Variants in TPRN observed in about 807,000 individuals in gnomAD.
The protein encoded by TPRN is chromosome 9 open reading frame 75.
In TPRN, 32 loss-of-function variants were observed where a neutral mutation model predicts 42.6. That is an observed-to-expected ratio of 0.75 (90% CI 0.57 to 1.01). The LOEUF is 1.01. Ranked by LOEUF, TPRN falls within the 50% of genes least tolerant of loss-of-function variation. TPRN has a pLI of 0.00. For synonymous variants in TPRN, 541 were observed against 445.6 expected, an observed-to-expected ratio of 1.21 and a Z score of -2.70; for missense variants, 1,095 against 957.5, an observed-to-expected ratio of 1.14 and a Z score of -1.90.
Position 137,192,243 on chromosome 9 carries a change from C to G in TPRN, c.2073+16G>C. 6.2e-7 allele frequency: 1 copy of G among 1,613,184 alleles called. No individual in the cohort carries two copies. The highest frequency in any genetic ancestry group is 1.7e-5 in the Admixed American group (1 of 60,030). On this transcript the variant is annotated intron_variant, in intron 3 of 3. Transcript: ENST00000409012. ...GTGTCAGACTCCCCCCAGCGCTCCA[C>G]TCCCCCGCATCTCACCATGGCCTCC...
rs1221725943 is a variant in TPRN, at chr9:137,192,579, TCC to T, written c.1836_1837del (p.Glu613GlyfsTer41). The T allele has an allele frequency of 1.9e-6, 3 of 1,611,012 alleles. No individual in the cohort carries two copies. In the African/African-American group the frequency reaches 4.0e-5, roughly 22 times the overall value. On this transcript the variant is annotated frameshift_variant, in exon 2 of 4. Transcript: ENST00000409012. LOFTEE classifies it high-confidence loss of function. The stretch of plus-strand genomic sequence containing the variant: ...CTCTTCCTCCTCTTCCTCTTCCTCC[TCC>T]TCCTCCTCCTCCTCCTCCTGCTGGT...
chr9:137,197,272 T>A (rs1834720419), intron 1 of TPRN, among the ~76,000 whole-genome samples: 1 of 152,182 alleles, frequency 6.6e-6, no homozygotes, highest in African/African-American at 2.4e-5. Flanking sequence ...CTAATTTTTT[T>A]ATATCTTCTT....
In TPRN at chr9:137,199,862, G is replaced by A; in HGVS notation, c.850C>T (p.Arg284Cys). The A allele has an allele frequency of 1.3e-6, 2 of 1,554,526 alleles. No individual in the cohort carries two copies. The highest frequency in any genetic ancestry group is 1.7e-6 in the Non-Finnish European group (2 of 1,149,054). The change falls in exon 1 of 4, where the codon CGC becomes TGC. Residue 284 changes from arginine to cysteine, a missense_variant. Coordinates refer to ENST00000409012, the MANE Select transcript of TPRN (RefSeq NM_001128228.3). ...SPPASATPSQRQCVSAATSTN... is the reference protein window; with the variant it reads ...SPPASATPSQCQCVSAATSTN... The stretch of plus-strand genomic sequence containing the variant: ...CTGGTGGCTGCGGAGACGCACTGGC[G>A]CTGGCTAGGAGTGGCACTGGCAGGG...
chr9:137,200,701 A>C lies in TPRN; in HGVS notation c.11T>G (p.Leu4Arg). Reference sequence around the variant, plus strand: ...GCGCGGCCCCGAGCCCGGCCGCCCCAGGGCGGCCATGCTGCGAACGCGGCA... The same window carrying C: ...GCGCGGCCCCGAGCCCGGCCGCCCCCGGGCGGCCATGCTGCGAACGCGGCA... MAA[L>R]GRPGSGPRAA... is the part of the protein sequence containing the mutation. Residue 4 changes from leucine (L) to arginine (R), a missense_variant, in exon 1 of 4, where the codon CTG becomes CGG. Coordinates refer to ENST00000409012, the MANE Select transcript of TPRN (RefSeq NM_001128228.3). The surrounding 1 kb of genome is among the most constrained non-coding windows in gnomAD (Gnocchi z 4.3). The C allele has an allele frequency of 1.7e-6, 2 of 1,186,320 alleles. No homozygotes were observed. Among genetic ancestry groups the C allele is most frequent in the Admixed American group, 3.9e-5 (1 of 25,622 alleles). The allele number at this position is 1,186,320 out of a possible 1,614,324, so 73.5% of individuals were successfully genotyped here.
At chr9:137,193,360 G>A (rs1042200754) in intron 1 of TPRN, 3 of 152,726 alleles carry the variant, frequency 2.0e-5, no homozygotes, top group Admixed American at 1.3e-4. Context: ...CCTCCACTGA[G>A]CCTGGGTGCC....
At chr9:137,195,741 G>A (rs1055912862) in intron 1 of TPRN, among the ~76,000 whole-genome samples, 6 of 152,178 alleles carry the variant, frequency 3.9e-5, no homozygotes, top group East Asian at 1.9e-4. Flanking sequence ...CAGAGGGGAC[G>A]GGAAGGGGCC....
intron 1 of TPRN, among the ~76,000 whole-genome samples, chr9:137,196,930 C>T (rs1475513733): frequency 6.6e-6 from 1 of 152,218 alleles, no homozygotes; most frequent in Non-Finnish European, 1.5e-5. Context: ...CATCTGGACC[C>T]CCACCCCTTC....
rs1226401372 is a variant in TPRN at position 137,192,456 on chromosome 9, C to A, written c.1961G>T (p.Ser654Ile). Residue 654 changes from serine (S) to isoleucine (I), a missense_variant, in exon 2 of 4, where the codon AGC becomes ATC. Coordinates refer to ENST00000409012, the MANE Select transcript of TPRN (RefSeq NM_001128228.3). ...TCCCCCAGGTGGGCACTCACCTGAGCTACCCTCTGGCAGCCGAGAGCTCTC... is the reference window on the plus strand; with the variant it reads ...TCCCCCAGGTGGGCACTCACCTGAGATACCCTCTGGCAGCCGAGAGCTCTC... ...RPESSRLPEG[S>I]SGLSSYTPKH... 1 of 1,607,118 alleles carries A rather than the reference C, an allele frequency of 6.2e-7. No homozygotes were observed. Among genetic ancestry groups the A allele is most frequent in the Admixed American group, 1.7e-5 (1 of 59,194 alleles).
At chr9:137,196,778 C>A (rs747487665) in intron 1 of TPRN, among the ~76,000 whole-genome samples, 1 of 152,214 alleles carries the variant, frequency 6.6e-6, no homozygotes, top group Non-Finnish European at 1.5e-5. Context: ...GGCAGCCCCA[C>A]GCCTCTGTCC....
Position 137,200,095 on chromosome 9 carries a change from G to A in TPRN, c.617C>T (p.Thr206Ile), listed in dbSNP as rs576809784. 251 of 1,330,114 alleles carry A rather than the reference G, an allele frequency of 1.9e-4. 1 individual carries two copies. In the African/African-American group the frequency reaches 3.5e-3, roughly 18 times the overall value. 82.4% of individuals were successfully genotyped at this position (1,330,114 alleles called of 1,614,324 possible). ...FLQKTGSNSF[T>I]VHPRGLHRGA... ...GCGGTGCAGACCCCGGGGGTGGACG[G>A]TGAAGGAGTTGCTGCCGGTCTTCTG... The change falls in exon 1 of 4, where the codon ACC (threonine) becomes ATC (isoleucine). Residue 206 changes from threonine to isoleucine, a missense_variant. Coordinates refer to ENST00000409012, the MANE Select transcript of TPRN (RefSeq NM_001128228.3). This position sits in a 1 kb window ranked among gnomAD's most constrained non-coding sequence, Gnocchi z 4.3.
intron 1 of TPRN, chr9:137,194,662 G>A (rs1302886697): frequency 6.6e-6 from 1 of 152,284 alleles, no homozygotes; most frequent in Admixed American, 6.5e-5. Context: ...CGGGGCGGGG[G>A]GTGGACAGGC....
intron 1 of TPRN, among the ~76,000 whole-genome samples, chr9:137,195,686 C>G (rs537216290): frequency 6.6e-6 from 1 of 152,128 alleles, no homozygotes; most frequent in Non-Finnish European, 1.5e-5. Flanking sequence ...GACACTGACA[C>G]GCTCCAGCTG....
intron 1 of TPRN, among the ~76,000 whole-genome samples, chr9:137,198,253 A>G (rs984754321): frequency 6.6e-6 from 1 of 152,244 alleles, no homozygotes; most frequent in Admixed American, 6.5e-5. Context: ...GAACAAATAC[A>G]GGTGCAGGAA....
At chr9:137,195,817 C>T (rs571736209) in intron 1 of TPRN, among the ~76,000 whole-genome samples, 55 of 152,314 alleles carry the variant, frequency 3.6e-4, no homozygotes, top group South Asian at 1.0e-3. Flanking sequence ...CGCCGAGTCT[C>T]AAGGGAGGCA....
Position 137,191,879 on chromosome 9 carries a change from A to C in TPRN, c.*233T>G, listed in dbSNP as rs1834622663. ...CAGCAGGCCCCTGGCACTCACCCAC[A>C]GGCAGTTCCCCACCCCACTTCCCCC... On this transcript the variant is annotated 3_prime_UTR_variant, in exon 4 of 4. Coordinates refer to ENST00000409012, the MANE Select transcript of TPRN (RefSeq NM_001128228.3). 1 of 606,600 alleles carries C rather than the reference A, an allele frequency of 1.6e-6. No homozygotes were observed. The highest frequency in any genetic ancestry group is 1.8e-5 in the African/African-American group (1 of 54,642). 37.6% of individuals were successfully genotyped at this position (606,600 alleles called of 1,614,324 possible).
Position 137,200,614 on chromosome 9 carries a change from A to C in TPRN, c.98T>G (p.Leu33Arg). Residue 33 changes from leucine (L) to arginine (R), a missense_variant, in exon 1 of 4, where the codon CTG (leucine) becomes CGG (arginine). Leu to Arg is a moderately radical substitution (Grantham distance 102). Transcript: ENST00000409012. The surrounding 1 kb of genome is among the most constrained non-coding windows in gnomAD (Gnocchi z 4.3). ...LERKRAKLAA[L>R]GGGAGPGAAE... ...CGCCCCGGGCCCCGCGCCCCCGCCC[A>C]GCGCGGCTAGCTTGGCCCGCTTCCG... 8.6e-7 allele frequency: 1 copy of C among 1,163,600 alleles called. No homozygotes were observed. The allele number at this position is 1,163,600 out of a possible 1,614,324, so 72.1% of individuals were successfully genotyped here.
Position 137,199,073 on chromosome 9 carries a change from G to T in TPRN, c.1639C>A (p.Pro547Thr), listed in dbSNP as rs985304571. 1.2e-6 allele frequency: 2 copies of T among 1,613,170 alleles called. No homozygotes were observed. The highest frequency in any genetic ancestry group is 2.7e-5 in the African/African-American group (2 of 74,944). ...LLGPTLKKRY[P>T]TVHEIEVIGG... The stretch of plus-strand genomic sequence containing the variant: ...ATCACCTCGATCTCATGCACGGTGG[G>T]GTAGCGCTTCTTCAACGTGGGCCCC... Residue 547 changes from proline (P) to threonine (T), a missense_variant, in exon 1 of 4, where the codon CCC becomes ACC. Pro to Thr is a conservative substitution (Grantham distance 38). Transcript: ENST00000409012.
intron 1 of TPRN, among the ~76,000 whole-genome samples, chr9:137,197,248 G>A (rs551364138): frequency 1.3e-5 from 2 of 152,296 alleles, no homozygotes; most frequent in East Asian, 1.9e-4. Flanking sequence ...ATAGGCGCCC[G>A]CCACCACGCC....
intron 1 of TPRN, 195 bp from the exon 2 acceptor site, chr9:137,192,886 G>A (rs1564383521): frequency 1.6e-6 from 1 of 619,224 alleles, no homozygotes; most frequent in South Asian, 2.0e-5. Context: ...TCCACCCTGG[G>A]GGTCAACCTC....
Sources: allele counts gnomAD v4.1 joint callset (sites outside exome capture counted in the v4.1 genomes callset), GRCh38; gene constraint gnomAD v4.1.1; non-coding constraint Gnocchi (gnomAD v3.1); transcripts MANE v1.5; gene names NCBI Gene and HGNC (gene_info 2026-07-23, HGNC 2026-07-21).